The following NEK7 variants were observed in gnomAD, a reference collection of about 807,000 sequenced individuals.
NEK7 encodes the protein serine/threonine-protein kinase Nek7.
Under a neutral mutation model 44.6 loss-of-function variants are expected in NEK7, and 18 were observed. That is an observed-to-expected ratio of 0.40 (90% CI 0.28 to 0.60). NEK7 has a LOEUF of 0.60. Ranked by LOEUF, NEK7 falls within the 20% of genes least tolerant of loss-of-function variation. The pLI is 0.38. For missense variants in NEK7, 256 were observed against 366.5 expected (o/e 0.70, Z 2.46); for synonymous variants, 130 against 121.1 (o/e 1.07, Z -0.48).
intron 7 of NEK7, among the ~76,000 whole-genome samples, chr1:198,292,078 A>C (rs1242454767): frequency 6.6e-6 from 1 of 152,020 alleles, no homozygotes; most frequent in Non-Finnish European, 1.5e-5. Flanking sequence ...TTGACTTTCT[A>C]TTTGGCAAAA....
At chr1:198,251,607 G>A (rs534395198) in intron 2 of NEK7, among the ~76,000 whole-genome samples, 4,169 of 151,758 alleles carry the variant, frequency 0.027, 182 homozygotes, top group African/African-American at 0.095. Flanking sequence ...GTCTTGGGAG[G>A]GTGTATGTGT....
At chr1:198,301,029 T>C (rs905959154) in intron 9 of NEK7, among the ~76,000 whole-genome samples, 11 of 152,258 alleles carry the variant, frequency 7.2e-5, no homozygotes, top group Admixed American at 1.3e-4. Flanking sequence ...GTCATCAAAA[T>C]TATCTATTTG....
At chr1:198,273,123 AACATTACAGGAAAAG>A (rs1653905922) in intron 5 of NEK7, among the ~76,000 whole-genome samples, 1 of 151,788 alleles carries the variant, frequency 6.6e-6, no homozygotes, top group Non-Finnish European at 1.5e-5. Flanking sequence ...TAGATTTTCC[AACATTACAGGAAAAG>A]ACAAAGACTA....
At chr1:198,198,402 G>A (rs759864470) in intron 1 of NEK7, among the ~76,000 whole-genome samples, 6 of 152,170 alleles carry the variant, frequency 3.9e-5, no homozygotes, top group Non-Finnish European at 8.8e-5. Flanking sequence ...TGGGACCTGT[G>A]TATCCTATGA....
chr1:198,159,271 C>T (rs935845987), intron 1 of NEK7, among the ~76,000 whole-genome samples: 1 of 151,772 alleles, frequency 6.6e-6, no homozygotes, highest in Non-Finnish European at 1.5e-5. Context: ...GGAAGGGGCG[C>T]CAGGCTGAGG....
intron 1 of NEK7, among the ~76,000 whole-genome samples, chr1:198,180,741 T>C (rs550073946): frequency 1.3e-5 from 2 of 152,210 alleles, no homozygotes; most frequent in East Asian, 3.9e-4. Flanking sequence ...TAAGAGGACA[T>C]TTAATTTTTA....
chr1:198,293,977 A>G (rs914512728), intron 8 of NEK7, among the ~76,000 whole-genome samples: 3 of 151,928 alleles, frequency 2.0e-5, no homozygotes, highest in African/African-American at 7.2e-5. Flanking sequence ...GAATTAAATG[A>G]AATATATGAT....
chr1:198,316,042 G>A (rs1187993848), intron 9 of NEK7, among the ~76,000 whole-genome samples: 1 of 152,132 alleles, frequency 6.6e-6, no homozygotes, highest in Non-Finnish European at 1.5e-5. Context: ...ACCAACATTT[G>A]GTAGATTTTT....
intron 3 of NEK7, among the ~76,000 whole-genome samples, chr1:198,260,654 T>G (rs1653431941): frequency 6.6e-6 from 1 of 152,104 alleles, no homozygotes; most frequent in African/African-American, 2.4e-5. Flanking sequence ...TCTCTTTTTG[T>G]AAACCATCAA....
chr1:198,278,777 G>A (rs750559749), intron 6 of NEK7, among the ~76,000 whole-genome samples, 177 bp from the exon 7 acceptor site: 32 of 151,764 alleles, frequency 2.1e-4, no homozygotes, highest in Non-Finnish European at 1.9e-4. Flanking sequence ...GCAGAGAATC[G>A]AGAACTCCTA....
chr1:198,213,475 C>T (rs1665834389), intron 1 of NEK7, among the ~76,000 whole-genome samples: 1 of 152,108 alleles, frequency 6.6e-6, no homozygotes, highest in African/African-American at 2.4e-5. Flanking sequence ...CACAGGAGCT[C>T]AGCGTAGGTG....
intron 1 of NEK7, among the ~76,000 whole-genome samples, chr1:198,210,758 T>C (rs1029462620): frequency 2.3e-5 from 3 of 129,690 alleles, no homozygotes; most frequent in Non-Finnish European, 4.9e-5. Flanking sequence ...TTTTTTTTTT[T>C]TTTTTTTTTT....
intron 1 of NEK7, among the ~76,000 whole-genome samples, chr1:198,203,856 T>TCCTG (rs1665510181): frequency 6.6e-6 from 1 of 151,242 alleles, no homozygotes; most frequent in African/African-American, 2.4e-5. Context: ...TGTGTGTGTG[T>TCCTG]CCTTCCTTCC....
intron 1 of NEK7, among the ~76,000 whole-genome samples, chr1:198,197,313 CAAAGAT>C (rs1665269196): frequency 6.6e-6 from 1 of 151,972 alleles, no homozygotes; most frequent in Non-Finnish European, 1.5e-5. Context: ...GATACAGTGA[CAAAGAT>C]AGAGAAAGAA....
intron 2 of NEK7, among the ~76,000 whole-genome samples, chr1:198,240,023 T>C (rs1666639425): frequency 1.3e-5 from 2 of 152,188 alleles, no homozygotes; most frequent in African/African-American, 2.4e-5. Flanking sequence ...AGTAAAAATA[T>C]GGTTTTGTAA....
chr1:198,206,282 C>G (rs1311823844), intron 1 of NEK7, among the ~76,000 whole-genome samples: 3 of 152,130 alleles, frequency 2.0e-5, no homozygotes, highest in Admixed American at 6.5e-5. Context: ...AACCACAACA[C>G]TGATTTCAAT....
intron 2 of NEK7, among the ~76,000 whole-genome samples, chr1:198,239,881 C>T (rs751845452): frequency 6.6e-5 from 10 of 152,184 alleles, no homozygotes; most frequent in Non-Finnish European, 1.5e-4. Context: ...GCCTACTACA[C>T]ACCTAGGCTA....
intron 7 of NEK7, among the ~76,000 whole-genome samples, chr1:198,290,534 G>A (rs1445168656): frequency 1.3e-5 from 2 of 152,118 alleles, no homozygotes; most frequent in Non-Finnish European, 2.9e-5. Context: ...CTCAGTGTCA[G>A]TCAGCGTGAG....
chr1:198,253,180 G>A lies in NEK7; in HGVS notation c.198G>A (p.Gln66=), dbSNP rs1250560806. The change falls in exon 3 of 10, where the codon CAG becomes CAA. Residue 66 remains glutamine (Q), a splice_region_variant and synonymous_variant. Transcript: ENST00000367385. ...TACCAGTAGCTTTAAAAAAAGTGCA[G>A]GTAAGATGACTTTAATTATATAAAT... ...DGVPVALKKV[Q]IFDLMDAKAR... 8 of 1,586,634 alleles carry A rather than the reference G, an allele frequency of 5.0e-6. No individual in the cohort carries two copies. Among genetic ancestry groups the A allele is most frequent in the African/African-American group, 1.4e-5 (1 of 73,608 alleles).
Sources: gnomAD v4.1 joint callset for allele counts (sites outside exome capture counted in the v4.1 genomes callset) on GRCh38, gnomAD v4.1.1 for gene constraint, MANE v1.5 for transcripts, NCBI Gene and HGNC (gene_info 2026-07-23, HGNC 2026-07-21) for gene names.